The following NBAS variants were observed in gnomAD, a reference collection of about 807,000 sequenced individuals.
NBAS encodes NBAS subunit of NRZ tethering complex.
A neutral mutation model predicts 302.5 loss-of-function variants in NBAS; 219 were observed. That is an observed-to-expected ratio of 0.72 (90% confidence interval 0.65 to 0.81). The LOEUF is 0.81. NBAS is among the 30% of genes least tolerant of loss of function. The pLI, the probability that NBAS is intolerant of heterozygous loss-of-function variation, is 0.00. For missense variants in NBAS, 2,932 were observed against 2,841.6 expected (o/e 1.03, Z -0.72); for synonymous variants, 1,118 against 1,021.6 (o/e 1.09, Z -1.80).
At chr2:15,438,013 G>A (rs185193198) in intron 21 of NBAS, among the ~76,000 whole-genome samples, 25 of 152,276 alleles carry the variant, frequency 1.6e-4, no homozygotes, top group East Asian at 1.4e-3. Context: ...AAACACCTGC[G>A]GCTGACAGTC....
chr2:15,092,973 A>G, the NBAS span, among the ~76,000 whole-genome samples: 1 of 152,168 alleles, frequency 6.6e-6, no homozygotes, highest in Non-Finnish European at 1.5e-5. Context: ...GAATTTTTCT[A>G]AAATGTTCCT....
At position 15,383,210 on chromosome 2, in the gene NBAS, G is replaced by C. The variant is rs1439763637; in HGVS notation, c.3360+5C>G. The C allele has an allele frequency of 6.2e-7, 1 of 1,610,130 alleles. No homozygotes were observed. The highest frequency in any genetic ancestry group is 1.1e-5 in the South Asian group (1 of 90,968). On this transcript the variant is annotated splice_donor_5th_base_variant and intron_variant, in intron 29 of 51. Transcript: ENST00000281513. ...AAAAAAAATCGTATATGGTTCTAGA[G>C]TTACCTCATAGCAGGCATCAGAATC...
chr2:15,007,410 C>T, the NBAS span, among the ~76,000 whole-genome samples: 1 of 152,168 alleles, frequency 6.6e-6, no homozygotes, highest in African/African-American at 2.4e-5. Flanking sequence ...TTTTTAAATT[C>T]AAGCATATCT....
At chr2:15,180,431 G>C (rs948016398) in intron 50 of NBAS, 5 of 152,234 alleles carry the variant, frequency 3.3e-5, no homozygotes, top group Non-Finnish European at 7.3e-5. Flanking sequence ...ACGTGACACA[G>C]AGCAGTCTCA....
In NBAS at chr2:15,467,726, C is replaced by A; in HGVS notation, c.1956G>T (p.Lys652Asn). 6.2e-7 allele frequency: 1 copy of A among 1,609,530 alleles called. No homozygotes were observed. The highest frequency in any genetic ancestry group is 1.7e-4 in the Middle Eastern group (1 of 6,050). ...TCTTGAGCTCCTTTTCCTTTTTATT[C>A]TTGGCAGGCTCTTCATCAGGTGGTG... Reference protein sequence around the residue: ...ELSPPDEEPAKNKKEKELKKR... With the variant: ...ELSPPDEEPANNKKEKELKKR... Residue 652 changes from lysine to asparagine, a missense_variant, in exon 18 of 52, where the codon AAG becomes AAT. Transcript: ENST00000281513.
intron 50 of NBAS, 138 bp downstream of exon 50, chr2:15,186,604 T>C (rs1364672429): frequency 7.9e-7 from 1 of 1,270,064 alleles, no homozygotes; most frequent in African/African-American, 1.5e-5. Flanking sequence ...CTTCATCTGA[T>C]CCATCAGAAA....
intron 11 of NBAS, among the ~76,000 whole-genome samples, chr2:15,503,705 G>A (rs1332614286): frequency 1.3e-5 from 2 of 152,102 alleles, no homozygotes. Context: ...AAAACCTAGG[G>A]TCAGGAGGCA....
intron 32 of NBAS, among the ~76,000 whole-genome samples, chr2:15,356,822 T>C (rs573192612): frequency 7.2e-5 from 11 of 152,178 alleles, no homozygotes; most frequent in Non-Finnish European, 1.5e-5. Flanking sequence ...GATGCAGCAA[T>C]AAACTTCTCA....
chr2:15,310,751 G>A (rs1273054754), intron 38 of NBAS, among the ~76,000 whole-genome samples: 1 of 152,086 alleles, frequency 6.6e-6, no homozygotes, highest in African/African-American at 2.4e-5. Context: ...GGCTCCTTCT[G>A]CCTCTAAACC....
the NBAS span, among the ~76,000 whole-genome samples, chr2:14,981,064 G>GA: frequency 1.8e-4 from 26 of 147,756 alleles, 1 homozygote; most frequent in Admixed American, 4.1e-4. Flanking sequence ...AAAATGAGAG[G>GA]AAAAAAAAAC....
chr2:15,251,238 A>G (rs541312116), intron 44 of NBAS, among the ~76,000 whole-genome samples: 1 of 152,210 alleles, frequency 6.6e-6, no homozygotes, highest in Non-Finnish European at 1.5e-5. Context: ...GTTCTCACTT[A>G]TAAGTGGGAG....
At chr2:14,994,568 G>A in the NBAS span, among the ~76,000 whole-genome samples, 1 of 152,100 alleles carries the variant, frequency 6.6e-6, no homozygotes, top group Non-Finnish European at 1.5e-5. Context: ...GACGCTCCTC[G>A]ATTCTCTTCT....
chr2:15,463,030 T>C (rs1470502216), intron 19 of NBAS, among the ~76,000 whole-genome samples: 1 of 152,174 alleles, frequency 6.6e-6, no homozygotes, highest in East Asian at 1.9e-4. Context: ...CCCAATACTT[T>C]GGCAGGCTGA....
chr2:15,366,101 C>A (rs1558274722), intron 32 of NBAS, among the ~76,000 whole-genome samples: 1 of 152,046 alleles, frequency 6.6e-6, no homozygotes, highest in Non-Finnish European at 1.5e-5. Flanking sequence ...ACATGAAAAC[C>A]CCACCAAATA....
the NBAS span, among the ~76,000 whole-genome samples, chr2:15,010,856 C>T: frequency 6.6e-6 from 1 of 152,178 alleles, no homozygotes; most frequent in Non-Finnish European, 1.5e-5. Context: ...TTTCCACGTG[C>T]AGATTCTGTG....
intron 44 of NBAS, among the ~76,000 whole-genome samples, chr2:15,253,265 G>A (rs1282550719): frequency 6.6e-6 from 1 of 152,012 alleles, no homozygotes; most frequent in African/African-American, 2.4e-5. Context: ...GAAAGGAGGG[G>A]GAATCAATTC....
At chr2:15,197,069 A>T (rs2125154084) in intron 48 of NBAS, among the ~76,000 whole-genome samples, 1 of 152,342 alleles carries the variant, frequency 6.6e-6, no homozygotes, top group Non-Finnish European at 1.5e-5. Context: ...CATAAAGATA[A>T]AATTAAGAAA....
At chr2:14,935,422 T>C in the NBAS span, among the ~76,000 whole-genome samples, 2 of 152,350 alleles carry the variant, frequency 1.3e-5, no homozygotes, top group Non-Finnish European at 1.5e-5. Context: ...AGATAACAAG[T>C]CATTTTTTAA....
intron 48 of NBAS, among the ~76,000 whole-genome samples, chr2:15,198,481 G>A (rs1331082816): frequency 6.6e-6 from 1 of 152,120 alleles, no homozygotes; most frequent in African/African-American, 2.4e-5. Context: ...GAGAAGACTG[G>A]GTAGAGATGA....
Sources: gnomAD v4.1 joint callset for allele counts (sites outside exome capture counted in the v4.1 genomes callset) on GRCh38, gnomAD v4.1.1 for gene constraint, MANE v1.5 for transcripts, NCBI Gene and HGNC (gene_info 2026-07-23, HGNC 2026-07-21) for gene names.